Variants in PBX1 observed in about 807,000 individuals in gnomAD.
The protein encoded by PBX1 is PBX homeobox 1.
PBX1 carries 6 observed loss-of-function variants against 53.4 expected under a neutral mutation model. The observed-to-expected ratio is 0.11, with a 90% CI of 0.06 to 0.22. The LOEUF (loss-of-function observed/expected upper bound fraction) is 0.22, where lower values mean the gene tolerates loss of function less well. PBX1 is among the 10% of genes least tolerant of loss of function. The pLI, the probability that PBX1 is intolerant of heterozygous loss-of-function variation, is 1.00. For synonymous variants in PBX1, 204 were observed against 212.3 expected, an observed-to-expected ratio of 0.96 and a Z score of 0.34; for missense variants, 251 against 551.4, an observed-to-expected ratio of 0.46 and a Z score of 5.46.
chr1:164,715,917 G>A (rs115078365), intron 2 of PBX1, among the ~76,000 whole-genome samples: 2 of 152,088 alleles, frequency 1.3e-5, no homozygotes, highest in Non-Finnish European at 2.9e-5. Context: ...TGAGATGATG[G>A]CTTACAAAGG....
chr1:164,872,425 G>A (rs1672404737), intron 2 of PBX1, among the ~76,000 whole-genome samples: 1 of 152,200 alleles, frequency 6.6e-6, no homozygotes, highest in Non-Finnish European at 1.5e-5. Context: ...ATGCACAAAT[G>A]TTTATAGACA....
chr1:164,668,864 A>C (rs1660963498), intron 2 of PBX1, among the ~76,000 whole-genome samples: 1 of 152,222 alleles, frequency 6.6e-6, no homozygotes, highest in South Asian at 2.1e-4. Context: ...GAATCTGCGG[A>C]GTAATATATT....
intron 2 of PBX1, among the ~76,000 whole-genome samples, chr1:164,575,260 G>A (rs953924295): frequency 2.0e-5 from 3 of 152,194 alleles, no homozygotes; most frequent in African/African-American, 7.2e-5. Flanking sequence ...CTTGTTCAAC[G>A]TTTGCCTCAG....
At chr1:164,815,290 A>T (rs1669826292) in intron 6 of PBX1, 1 of 152,250 alleles carries the variant, frequency 6.6e-6, no homozygotes, top group Non-Finnish European at 1.5e-5. Flanking sequence ...GTGGCATGCC[A>T]TCAGCGTTGA....
At chr1:164,883,712 A>G (rs1013280455) in intron 2 of PBX1, among the ~76,000 whole-genome samples, 4 of 152,198 alleles carry the variant, frequency 2.6e-5, no homozygotes, top group African/African-American at 9.6e-5. Flanking sequence ...AAATGGGAGC[A>G]CCGGCACCTT....
downstream of PBX1, among the ~76,000 whole-genome samples, chr1:164,856,430 C>T (rs915381803): frequency 4.6e-5 from 7 of 152,178 alleles, no homozygotes; most frequent in African/African-American, 1.7e-4. Context: ...TGCTGTTGGG[C>T]ACAGACATTT....
intron 2 of PBX1, among the ~76,000 whole-genome samples, chr1:164,583,283 GA>G (rs35998948): frequency 0.14 from 20,350 of 143,874 alleles, 1,727 homozygotes; most frequent in East Asian, 0.44. Flanking sequence ...AGAGAGGCGG[GA>G]AAAAAAAAAA....
At chr1:164,799,158 G>A (rs1396823067) in intron 3 of PBX1, among the ~76,000 whole-genome samples, 3 of 152,108 alleles carry the variant, frequency 2.0e-5, no homozygotes, top group South Asian at 4.1e-4. Context: ...AAAAGATTAA[G>A]ATAAAATGAT....
At chr1:164,690,184 C>T (rs955666843) in intron 2 of PBX1, among the ~76,000 whole-genome samples, 7 of 151,966 alleles carry the variant, frequency 4.6e-5, no homozygotes, top group South Asian at 4.2e-4. Flanking sequence ...GTCTGGAGGC[C>T]GCAGATTTTC....
At position 164,635,390 on chromosome 1, in the gene PBX1, C is replaced by T. The variant is rs921331045; in HGVS notation, c.265+72079C>T. The stretch of plus-strand genomic sequence containing the variant: ...CAGTCAAATGCAAAGCAGTAAGAGG[C>T]CTTTCTCAGTGCGACTTAGTAAAAA... On this transcript the variant is annotated intron_variant, in intron 2 of 8. Transcript: ENST00000420696. 1.2e-4 allele frequency among the ~76,000 whole-genome samples: 18 copies of T among 152,278 alleles called. No individual in the cohort carries two copies. The South Asian group carries it at 3.5e-3, about 30-fold the overall frequency.
chr1:164,620,666 T>G (rs530740279), intron 2 of PBX1, among the ~76,000 whole-genome samples: 2 of 152,002 alleles, frequency 1.3e-5, no homozygotes, highest in East Asian at 2.0e-4. Flanking sequence ...AAAGAAATGT[T>G]TTCCCCTATA....
At chr1:164,732,846 TAC>T (rs1421167118) in intron 2 of PBX1, among the ~76,000 whole-genome samples, 2 of 152,120 alleles carry the variant, frequency 1.3e-5, no homozygotes, top group African/African-American at 4.8e-5. Flanking sequence ...CTTAGCTATA[TAC>T]AGTCTTTCTC....
intron 2 of PBX1, among the ~76,000 whole-genome samples, chr1:164,740,331 G>A (rs779804954): frequency 2.0e-5 from 3 of 151,554 alleles, no homozygotes; most frequent in African/African-American, 4.9e-5. Flanking sequence ...AGAATATGAT[G>A]CAATAAATAC....
intron 2 of PBX1, among the ~76,000 whole-genome samples, chr1:164,573,020 C>G (rs1399310147): frequency 6.6e-6 from 1 of 152,126 alleles, no homozygotes; most frequent in Non-Finnish European, 1.5e-5. Context: ...TCCCCTACTT[C>G]TAGAGTTCTG....
chr1:164,642,595 A>G (rs1397011691), intron 2 of PBX1: 1 of 152,210 alleles, frequency 6.6e-6, no homozygotes, highest in East Asian at 1.9e-4. Context: ...AGTGTTCAGT[A>G]TGAATTTATT....
chr1:164,882,132 A>G (rs112826517), intron 2 of PBX1, among the ~76,000 whole-genome samples: 7 of 148,686 alleles, frequency 4.7e-5, no homozygotes, highest in African/African-American at 1.7e-4. Context: ...TTTTTTTGGT[A>G]GTTGAGGTAG....
intron 1 of PBX1, among the ~76,000 whole-genome samples, chr1:164,561,419 C>A (rs921448360): frequency 3.3e-5 from 5 of 152,152 alleles, no homozygotes; most frequent in African/African-American, 1.2e-4. Context: ...TCAAAGTATC[C>A]TAAGTTTTGT....
chr1:164,707,423 G>GTGTT (rs1663495222), intron 2 of PBX1, among the ~76,000 whole-genome samples: 1 of 80,474 alleles, frequency 1.2e-5, no homozygotes, highest in African/African-American at 4.8e-5. Context: ...GTGTGTGAGA[G>GTGTT]AGAGAGAGAG....
intron 8 of PBX1, among the ~76,000 whole-genome samples, chr1:164,839,329 C>T (rs918777182): frequency 5.9e-5 from 9 of 152,146 alleles, no homozygotes; most frequent in African/African-American, 2.2e-4. Context: ...CCACTGTATG[C>T]CCAGTATGTA....
Sources: gnomAD v4.1 joint callset for allele counts (sites outside exome capture counted in the v4.1 genomes callset) on GRCh38, gnomAD v4.1.1 for gene constraint, MANE v1.5 for transcripts, NCBI Gene and HGNC (gene_info 2026-07-23, HGNC 2026-07-21) for gene names.